RIPK4: variants seen among roughly 807,000 people sequenced by gnomAD.
RIPK4 encodes the protein receptor-interacting serine/threonine-protein kinase 4.
Under a neutral mutation model 42.9 loss-of-function variants are expected in RIPK4, and 17 were observed. That is an observed-to-expected ratio of 0.40 (90% CI 0.27 to 0.59). The LOEUF (loss-of-function observed/expected upper bound fraction) is 0.59, where lower values mean the gene tolerates loss of function less well. Among genes scored for constraint, RIPK4 ranks in the 20% least tolerant of loss-of-function variants. The pLI, the probability that RIPK4 is intolerant of heterozygous loss-of-function variation, is 0.47. For missense variants in RIPK4, 897 were observed against 1,104.4 expected (o/e 0.81, Z 2.66); for synonymous variants, 498 against 499.1 (o/e 1.00, Z 0.03).
intron 1 of RIPK4, among the ~76,000 whole-genome samples, chr21:41,764,627 G>A (rs1176422830): frequency 6.6e-6 from 1 of 152,226 alleles, no homozygotes; most frequent in Non-Finnish European, 1.5e-5. Context: ...ATGTGGCAGG[G>A]CAAGTGGCAC....
At chr21:41,750,011 G>A (rs948145638) in intron 3 of RIPK4, among the ~76,000 whole-genome samples, 3 of 152,060 alleles carry the variant, frequency 2.0e-5, no homozygotes, top group South Asian at 2.1e-4. Context: ...TAGTTCAAAC[G>A]GCAGGTTCAA....
At chr21:41,743,341 AG>A (rs1274758919) in intron 7 of RIPK4, among the ~76,000 whole-genome samples, 4 of 152,270 alleles carry the variant, frequency 2.6e-5, no homozygotes, top group African/African-American at 4.8e-5. Flanking sequence ...TAACATAAAA[AG>A]ATGAGATTAG....
intron 5 of RIPK4, chr21:41,746,085 A>G: frequency 1.4e-6 from 1 of 704,838 alleles, no homozygotes; most frequent in South Asian, 1.5e-5. Context: ...TCAAGGCGGA[A>G]GCCTTCCCCG....
At chr21:41,764,159 C>T (rs114477824) in intron 1 of RIPK4, among the ~76,000 whole-genome samples, 3,257 of 152,206 alleles carry the variant, frequency 0.021, 116 homozygotes, top group African/African-American at 0.075. Context: ...GGGGGCTGGG[C>T]GGCCCCCCAA....
intron 1 of RIPK4, among the ~76,000 whole-genome samples, chr21:41,762,076 C>A (rs556540129): frequency 6.6e-6 from 1 of 152,328 alleles, no homozygotes; most frequent in Admixed American, 6.5e-5. Context: ...AATCTCCTAA[C>A]GGAGTCCACC....
In RIPK4 at chr21:41,755,942, T is replaced by C. The variant is rs1029380557; in HGVS notation, c.474+583A>G. ...TACTTTTCTGTGTTTCAAAAACCTA[T>C]CAGCGAAGCAAAAGCAAGCTCCATC... On this transcript the variant is annotated intron_variant, in intron 2 of 7. Transcript: ENST00000332512. The surrounding 1 kb of genome is among the most constrained non-coding windows in gnomAD (Gnocchi z 4.2). Among the ~76,000 whole-genome samples, 1 of 152,200 alleles carries C rather than the reference T, an allele frequency of 6.6e-6. No individual in the cohort carries two copies. Among genetic ancestry groups the C allele is most frequent in the African/African-American group, 2.4e-5 (1 of 41,460 alleles).
In RIPK4 at chr21:41,751,075, T is replaced by TG. The variant is rs766415448; in HGVS notation, c.623+21dup. 31 of 1,604,526 alleles carry TG rather than the reference T, an allele frequency of 1.9e-5. No homozygotes were observed. The East Asian group carries it at 2.2e-4, about 12-fold the overall frequency. ...GAGAGCCCCTGGCACCCACAGGGGA[T>TG]GGGGGGCGGCATGTCACACACCTGT... On this transcript the variant is annotated intron_variant, in intron 3 of 7. Transcript: ENST00000332512. This position sits in a 1 kb window ranked among gnomAD's most constrained non-coding sequence, Gnocchi z 4.5.
In RIPK4 at chr21:41,759,482, G is replaced by A. The variant is rs1601683877; in HGVS notation, c.183-2666C>T. 2.0e-5 allele frequency among the ~76,000 whole-genome samples: 3 copies of A among 152,178 alleles called. No individual in the cohort carries two copies. In the East Asian group the frequency reaches 5.8e-4, roughly 29 times the overall value. On this transcript the variant is annotated intron_variant, in intron 1 of 7. Coordinates refer to ENST00000332512, the MANE Select transcript of RIPK4 (RefSeq NM_020639.3). ...CCGACCTCCTATAGCAGGAAACCCA[G>A]CAGCTCCATGTCCACACACAGGCCA...
chr21:41,761,641 C>T (rs2061220678), intron 1 of RIPK4, among the ~76,000 whole-genome samples: 1 of 152,162 alleles, frequency 6.6e-6, no homozygotes, highest in South Asian at 2.1e-4. Context: ...GCCAGCCATT[C>T]GCAAGGGTCA....
Position 41,740,606 on chromosome 21 carries a change from A to T in RIPK4, c.*232T>A. 1 of 548,272 alleles carries T rather than the reference A, an allele frequency of 1.8e-6. No homozygotes were observed. 34.0% of individuals were successfully genotyped at this position (548,272 alleles called of 1,614,324 possible). A position where few individuals can be genotyped will look rare whatever the true frequency, so the allele number is the denominator to read the frequency against. On this transcript the variant is annotated 3_prime_UTR_variant, in exon 8 of 8. Coordinates refer to ENST00000332512, the MANE Select transcript of RIPK4 (RefSeq NM_020639.3). The stretch of plus-strand genomic sequence containing the variant: ...TGATTCTGACCCACGGTCCCTTCAG[A>T]CAGCAGGTGCCTAGATCGATGATGG...
chr21:41,753,971 T>C (rs561578587), intron 2 of RIPK4, among the ~76,000 whole-genome samples: 1 of 152,358 alleles, frequency 6.6e-6, no homozygotes, highest in African/African-American at 2.4e-5. Context: ...AAGCATTAAT[T>C]TGATACTATT....
chr21:41,752,450 C>A (rs913293972), intron 2 of RIPK4, among the ~76,000 whole-genome samples: 1 of 151,958 alleles, frequency 6.6e-6, no homozygotes, highest in African/African-American at 2.4e-5. Flanking sequence ...GGAAGGCCTG[C>A]GAGCAGGGAC....
chr21:41,762,319 G>T (rs373328551), intron 1 of RIPK4, among the ~76,000 whole-genome samples: 1 of 152,220 alleles, frequency 6.6e-6, no homozygotes, highest in African/African-American at 2.4e-5. Flanking sequence ...GCCCAGGAGT[G>T]GGGGTGGGGC....
intron 7 of RIPK4, among the ~76,000 whole-genome samples, chr21:41,743,631 A>ATGGAAC (rs2061161228): frequency 6.6e-6 from 1 of 152,190 alleles, no homozygotes; most frequent in South Asian, 2.1e-4. Flanking sequence ...GCCTCCACCC[A>ATGGAAC]TGGCACTGGC....
chr21:41,762,875 G>A (rs577289975), intron 1 of RIPK4, among the ~76,000 whole-genome samples: 2 of 152,266 alleles, frequency 1.3e-5, no homozygotes, highest in South Asian at 4.1e-4. Flanking sequence ...AGTCACATTC[G>A]CACCGTCTCC....
chr21:41,743,909 A>AG lies in RIPK4; in HGVS notation c.1167_1168insC (p.Ser390LeufsTer3). 6.2e-7 allele frequency: 1 copy of AG among 1,609,894 alleles called. No individual in the cohort carries two copies. Among genetic ancestry groups the AG allele is most frequent in the Non-Finnish European group, 8.5e-7 (1 of 1,178,110 alleles). On this transcript the variant is annotated frameshift_variant, in exon 7 of 8. Coordinates refer to ENST00000332512, the MANE Select transcript of RIPK4 (RefSeq NM_020639.3). LOFTEE classifies it low-confidence loss of function (END_TRUNC). ...CTGGTTGAAGGTTCCCGCTCAAAGG[A>AG]CAGCGACAGTGATCCTCTGGAAGAG...
chr21:41,753,543 G>A (rs958952964), intron 2 of RIPK4, among the ~76,000 whole-genome samples: 5 of 152,070 alleles, frequency 3.3e-5, no homozygotes, highest in Non-Finnish European at 5.9e-5. Context: ...TTTCCCCTCC[G>A]CCTTTCCTCA....
intron 1 of RIPK4, among the ~76,000 whole-genome samples, chr21:41,765,979 C>A (rs1274133387): frequency 6.6e-6 from 1 of 152,252 alleles, no homozygotes; most frequent in Non-Finnish European, 1.5e-5. Flanking sequence ...GCTCTGCGTC[C>A]TTCCCATTCG....
chr21:41,743,995 T>C lies in RIPK4; in HGVS notation c.1082A>G (p.Lys361Arg), dbSNP rs772035011. ...EELSRSSSES[K>R]LPSSGSGKRL... ...CTTCCCACTGCCGGACGATGGCAGC[T>C]TGGACTCAGAGGAGCTGCGGCTGAG... The change falls in exon 7 of 8, where the codon AAG becomes AGG. Residue 361 changes from lysine to arginine, a missense_variant. By Grantham distance (26) the Lys-to-Arg change is conservative. Transcript: ENST00000332512. 19 of 1,613,156 alleles carry C rather than the reference T, an allele frequency of 1.2e-5. No homozygotes were observed. Among genetic ancestry groups the C allele is most frequent in the Non-Finnish European group, 1.6e-5 (19 of 1,179,990 alleles).
Sources: allele counts gnomAD v4.1 joint callset (sites outside exome capture counted in the v4.1 genomes callset), GRCh38; gene constraint gnomAD v4.1.1; non-coding constraint Gnocchi (gnomAD v3.1); transcripts MANE v1.5; gene names NCBI Gene and HGNC (gene_info 2026-07-23, HGNC 2026-07-21).